The following GRIK2 variants were observed in gnomAD, a reference collection of about 807,000 sequenced individuals.
GRIK2 encodes glutamate ionotropic receptor kainate type subunit 2, also known as glutamate receptor ionotropic, kainate 2.
Under a neutral mutation model 100.3 loss-of-function variants are expected in GRIK2, and 32 were observed. The observed-to-expected ratio is 0.32, with a 90% CI of 0.24 to 0.43. GRIK2 has a LOEUF of 0.43. GRIK2 is among the 20% of genes least tolerant of loss of function. The pLI is 1.00. For synonymous variants in GRIK2, 417 were observed against 389.4 expected, an observed-to-expected ratio of 1.07 and a Z score of -0.83; for missense variants, 843 against 1,114.9, an observed-to-expected ratio of 0.76 and a Z score of 3.47.
At chr6:101,932,521 C>G (rs1790354604) in intron 14 of GRIK2, among the ~76,000 whole-genome samples, 1 of 151,720 alleles carries the variant, frequency 6.6e-6, no homozygotes, top group South Asian at 2.1e-4. Context: ...CTCTCCTGAC[C>G]CTTTTCATAC....
intron 4 of GRIK2, among the ~76,000 whole-genome samples, chr6:101,657,455 C>T (rs181643190): frequency 9.1e-4 from 139 of 152,234 alleles, no homozygotes; most frequent in African/African-American, 3.2e-3. Flanking sequence ...TGGGTGGTAT[C>T]TTTATAGCAG....
Position 101,883,115 on chromosome 6 carries a change from T to C in GRIK2, c.1525-6525T>C, listed in dbSNP as rs992027463. The stretch of plus-strand genomic sequence containing the variant: ...GGAGACCTCAACAGAAACAGTGGGC[T>C]GAAGTTGTTGGAGAGATGGGAGGGT... On this transcript the variant is annotated intron_variant, in intron 11 of 16. Coordinates refer to ENST00000369134, the MANE Select transcript of GRIK2 (RefSeq NM_021956.5). 4.0e-5 allele frequency among the ~76,000 whole-genome samples: 6 copies of C among 151,894 alleles called. 1 individual carries two copies. In the Admixed American group the frequency reaches 4.0e-4, roughly 10 times the overall value.
intron 12 of GRIK2, among the ~76,000 whole-genome samples, chr6:101,924,019 G>A (rs1057348091): frequency 6.6e-6 from 1 of 151,274 alleles, no homozygotes; most frequent in Admixed American, 6.6e-5. Context: ...TGTCAGAAGC[G>A]TGTATTAGAA....
At chr6:101,581,240 ATG>A (rs1778076271) in intron 2 of GRIK2, among the ~76,000 whole-genome samples, 2 of 150,690 alleles carry the variant, frequency 1.3e-5, no homozygotes, top group Admixed American at 1.3e-4. Context: ...ACACACATAT[ATG>A]TGTATATATA....
At chr6:101,737,016 C>A (rs899758174) in intron 7 of GRIK2, among the ~76,000 whole-genome samples, 1 of 152,120 alleles carries the variant, frequency 6.6e-6, no homozygotes, top group Non-Finnish European at 1.5e-5. Context: ...GGGCAAAATG[C>A]CACCAGTCTC....
Position 101,511,541 on chromosome 6 carries a change from G to C in GRIK2, c.116-110408G>C, listed in dbSNP as rs1774318270. ...TATTAAGCATTTTGGACACCCAAATGTATAAAATATATGAATAATAAATTT... is the reference window on the plus strand; with the variant it reads ...TATTAAGCATTTTGGACACCCAAATCTATAAAATATATGAATAATAAATTT... On this transcript the variant is annotated intron_variant, in intron 2 of 16. Coordinates refer to ENST00000369134, the MANE Select transcript of GRIK2 (RefSeq NM_021956.5). Among the ~76,000 whole-genome samples the C allele has an allele frequency of 2.0e-5, 3 of 151,686 alleles. No individual in the cohort carries two copies. The South Asian group carries it at 6.2e-4, about 32-fold the overall frequency.
At chr6:101,572,313 C>T (rs1777577243) in intron 2 of GRIK2, among the ~76,000 whole-genome samples, 1 of 152,026 alleles carries the variant, frequency 6.6e-6, no homozygotes, top group Non-Finnish European at 1.5e-5. Flanking sequence ...AACTCTGAAA[C>T]AGTATATTTC....
chr6:101,438,379 G>A (rs1354274744), intron 2 of GRIK2, among the ~76,000 whole-genome samples: 2 of 152,112 alleles, frequency 1.3e-5, no homozygotes, highest in Non-Finnish European at 2.9e-5. Context: ...GTTCTGAAGT[G>A]ACACTGGCCA....
At chr6:101,826,217 T>G (rs1172258679) in intron 10 of GRIK2, among the ~76,000 whole-genome samples, 6 of 152,054 alleles carry the variant, frequency 3.9e-5, no homozygotes, top group Admixed American at 3.9e-4. Context: ...TGAGATATGA[T>G]TTGTTCATGG....
chr6:101,562,984 G>C (rs1298994875), intron 2 of GRIK2, among the ~76,000 whole-genome samples: 3 of 152,124 alleles, frequency 2.0e-5, no homozygotes, highest in Non-Finnish European at 2.9e-5. Flanking sequence ...GCTTGCAATG[G>C]GGCTGTACCT....
intron 7 of GRIK2, among the ~76,000 whole-genome samples, chr6:101,742,005 C>T (rs1009942916): frequency 6.6e-6 from 1 of 152,244 alleles, no homozygotes; most frequent in African/African-American, 2.4e-5. Flanking sequence ...GGTCAACACT[C>T]TGTTATACCA....
At chr6:101,524,981 C>T (rs1775078454) in intron 2 of GRIK2, among the ~76,000 whole-genome samples, 1 of 152,142 alleles carries the variant, frequency 6.6e-6, no homozygotes, top group African/African-American at 2.4e-5. Context: ...GATCTACCCA[C>T]CTCGGCCTCC....
chr6:101,672,413 T>C (rs1391320428), intron 4 of GRIK2, among the ~76,000 whole-genome samples: 6 of 152,144 alleles, frequency 3.9e-5, no homozygotes, highest in African/African-American at 1.4e-4. Flanking sequence ...GACTCTGATC[T>C]CTTCCTCACC....
In GRIK2 at chr6:102,055,207, T is replaced by G. The variant is rs550014010; in HGVS notation, c.2312-123T>G. The G allele has an allele frequency of 9.4e-6, 6 of 639,002 alleles. No individual in the cohort carries two copies. In the African/African-American group the frequency reaches 1.1e-4, roughly 12 times the overall value. The allele number at this position is 639,002 out of a possible 1,614,324, so 39.6% of individuals were successfully genotyped here. ...GTTTTTTCCAGTTGTTTTTCTCTTC[T>G]GAAAAAACATTGGCACACTTTGAAG... is the stretch of plus-strand genomic sequence containing the variant. On this transcript the variant is annotated intron_variant, in intron 15 of 16. Transcript: ENST00000369134.
intron 4 of GRIK2, among the ~76,000 whole-genome samples, chr6:101,666,094 C>T (rs1037185327): frequency 6.6e-6 from 1 of 152,140 alleles, no homozygotes; most frequent in Admixed American, 6.6e-5. Flanking sequence ...TTTCAGGGGT[C>T]CCAAAGATTA....
At chr6:101,443,604 A>C (rs1770202190) in intron 2 of GRIK2, among the ~76,000 whole-genome samples, 1 of 152,108 alleles carries the variant, frequency 6.6e-6, no homozygotes, top group African/African-American at 2.4e-5. Flanking sequence ...AAATATTTAA[A>C]TGAATCATTT....
chr6:101,685,795 T>G (rs1294197316), intron 6 of GRIK2, among the ~76,000 whole-genome samples: 1 of 151,634 alleles, frequency 6.6e-6, no homozygotes, highest in Non-Finnish European at 1.5e-5. Context: ...AAAAAAAAAT[T>G]AAAAACAGCA....
At position 102,068,431 on chromosome 6, in the gene GRIK2, G is replaced by C; in HGVS notation, c.2647G>C (p.Val883Leu). 1 of 1,612,222 alleles carries C rather than the reference G, an allele frequency of 6.2e-7. No homozygotes were observed. Residue 883 changes from valine (V) to leucine (L), a missense_variant, in exon 17 of 17, where the codon GTT becomes CTT. Coordinates refer to ENST00000369134, the MANE Select transcript of GRIK2 (RefSeq NM_021956.5). ...GTTAAAACATAAGCCACAGGCCCCA[G>C]TTATTGTGAAAACAGAAGAAGTTAT... The part of the protein sequence containing the change: ...RRLKHKPQAP[V>L]IVKTEEVINM...
intron 7 of GRIK2, among the ~76,000 whole-genome samples, chr6:101,738,967 A>G (rs552071913): frequency 1.3e-5 from 2 of 152,354 alleles, no homozygotes; most frequent in East Asian, 3.9e-4. Context: ...AGCTTTCTCA[A>G]GGACAGCAGT....
Sources: gnomAD v4.1 joint callset for allele counts (sites outside exome capture counted in the v4.1 genomes callset) on GRCh38, gnomAD v4.1.1 for gene constraint, MANE v1.5 for transcripts, NCBI Gene and HGNC (gene_info 2026-07-23, HGNC 2026-07-21) for gene names.